Variants in SEC16A observed in about 807,000 individuals in gnomAD.
The protein encoded by SEC16A is protein transport protein Sec16A.
SEC16A carries 110 observed loss-of-function variants against 221.9 expected under a neutral mutation model. The observed-to-expected ratio is 0.50, with a 90% CI of 0.42 to 0.58. The LOEUF (loss-of-function observed/expected upper bound fraction) is 0.58, where lower values mean the gene tolerates loss of function less well. SEC16A is among the 20% of genes least tolerant of loss of function. SEC16A has a pLI of 0.00. For synonymous variants in SEC16A, 1,393 were observed against 1,257.7 expected (o/e 1.11, Z -2.28); for missense variants, 3,165 against 3,097.8 (o/e 1.02, Z -0.52).
chr9:136,450,862 C>T (rs1186930310), intron 23 of SEC16A, among the ~76,000 whole-genome samples: 4 of 152,226 alleles, frequency 2.6e-5, no homozygotes, highest in Admixed American at 2.6e-4. Flanking sequence ...CAAGGAGGCT[C>T]CTGGGGCCTG....
chr9:136,475,372 A>G lies in SEC16A; in HGVS notation c.2244T>C (p.Tyr748=), dbSNP rs1233972730. The change falls in exon 3 of 32, where the codon TAT becomes TAC. Residue 748 remains tyrosine, a synonymous_variant. Transcript: ENST00000684901. This position sits in a 1 kb window ranked among gnomAD's most constrained non-coding sequence, Gnocchi z 5.0. ...CAGGTGGCTGAGGTTTTGCACACAC[A>G]TAAAGCGCCGGGGCTGCAGGGGCCA... ...VLLAPAAPAL[Y]VCAKPQPPVV... is the part of the protein sequence containing the mutation. 1.2e-6 allele frequency: 2 copies of G among 1,609,710 alleles called. No individual in the cohort carries two copies. The highest frequency in any genetic ancestry group is 1.7e-6 in the Non-Finnish European group (2 of 1,177,196).
At chr9:136,479,315 G>A (rs1842027939) in intron 1 of SEC16A, among the ~76,000 whole-genome samples, 1 of 152,012 alleles carries the variant, frequency 6.6e-6, no homozygotes, top group Admixed American at 6.6e-5. Context: ...CCAATCAAAG[G>A]AAAAATTAAA....
Position 136,463,065 on chromosome 9 carries a change from T to C in SEC16A, c.4715A>G (p.Lys1572Arg), listed in dbSNP as rs1839717686. 6.2e-7 allele frequency: 1 copy of C among 1,612,632 alleles called. No individual in the cohort carries two copies. The highest frequency in any genetic ancestry group is 8.5e-7 in the Non-Finnish European group (1 of 1,179,890). The part of the protein sequence containing the change: ...RDHRTVWLPG[K>R]SPNEANLIDF... ...AATCAGGTTTGCTTCATTGGGCGACTTCCCAGGAAGCCACACTGTTCTGTG... is the reference window on the plus strand; with the variant it reads ...AATCAGGTTTGCTTCATTGGGCGACCTCCCAGGAAGCCACACTGTTCTGTG... The change falls in exon 12 of 32, where the codon AAG (lysine) becomes AGG (arginine). Residue 1572 changes from lysine to arginine, a missense_variant. This residue lies in a region of SEC16A where 1,088 missense variants were observed against 1,089.6 expected (regional missense o/e 1.00). Coordinates refer to ENST00000684901, the MANE Select transcript of SEC16A (RefSeq NM_014866.2).
rs757786592 is a variant in SEC16A at position 136,475,330 on chromosome 9, T to C, written c.2286A>G (p.Glu762=). The change falls in exon 3 of 32, where the codon GAA becomes GAG. Residue 762 remains glutamate (E), a synonymous_variant. Transcript: ENST00000684901. The surrounding 1 kb of genome is among the most constrained non-coding windows in gnomAD (Gnocchi z 5.0). ...GTGACTGCTGCCCGGACATCGCCTC[T>C]TCTGGAGGCTGAACAACAGGTGGCT... ...KPQPPVVQPP[E]EAMSGQQSRN... is the part of the protein sequence containing the mutation. 7.4e-6 allele frequency: 12 copies of C among 1,611,558 alleles called. No individual in the cohort carries two copies. In the East Asian group the frequency reaches 2.5e-4, roughly 33 times the overall value.
rs762247769 is a variant in SEC16A at position 136,463,744 on chromosome 9, C to T, written c.4447-4G>A. 8.1e-6 allele frequency: 13 copies of T among 1,611,590 alleles called. No individual in the cohort carries two copies. Among genetic ancestry groups the T allele is most frequent in the South Asian group, 4.4e-5 (4 of 91,008 alleles). ...CAGACGTGTGCTGCAGCAAGGCCTA[C>T]GAGGAGAGGGCCGTGGGTCAGTGGC... On this transcript the variant is annotated splice_region_variant and splice_polypyrimidine_tract_variant and intron_variant, in intron 9 of 31. Transcript: ENST00000684901.
At chr9:136,465,422 G>T (rs1840011042) in intron 8 of SEC16A, among the ~76,000 whole-genome samples, 1 of 152,228 alleles carries the variant, frequency 6.6e-6, no homozygotes, top group African/African-American at 2.4e-5. Context: ...CTGCACTCCA[G>T]CCTGGGAGAC....
chr9:136,474,379 C>T lies in SEC16A; in HGVS notation c.3237G>A (p.Ser1079=), dbSNP rs3812593. 4.8e-5 allele frequency: 78 copies of T among 1,612,558 alleles called. No individual in the cohort carries two copies. The highest frequency in any genetic ancestry group is 4.5e-4 in the East Asian group (20 of 44,898). ...SPPQLPKAMF[S]ELSNPESLPA... ...GCAGACTTTCTGGATTTGACAGCTC[C>T]GAAAACATGGCTTTGGGTAGTTGTG... Residue 1079 remains serine, a synonymous_variant, in exon 3 of 32, where the codon TCG becomes TCA. Transcript: ENST00000684901.
chr9:136,451,367 C>A lies in SEC16A; in HGVS notation c.6201G>T (p.Gly2067=). 6.2e-7 allele frequency: 1 copy of A among 1,612,836 alleles called. No individual in the cohort carries two copies. The change falls in exon 23 of 32, where the codon GGG becomes GGT. Residue 2067 remains glycine, a synonymous_variant. Coordinates refer to ENST00000684901, the MANE Select transcript of SEC16A (RefSeq NM_014866.2). The part of the protein sequence containing the change: ...RTVPDSEAPP[G]WDRADSGPTQ... ...TGGGACCCGAGTCGGCACGATCCCA[C>A]CCTGGGGGGGCCTCCGAGTCTGGCA... is the stretch of plus-strand genomic sequence containing the variant.
chr9:136,449,129 T>C (rs1837440500), intron 23 of SEC16A, among the ~76,000 whole-genome samples: 1 of 152,218 alleles, frequency 6.6e-6, no homozygotes, highest in Non-Finnish European at 1.5e-5. Flanking sequence ...CTTTGAGAAG[T>C]GGAAGGCGGG....
Position 136,474,263 on chromosome 9 carries a change from TGAG to T in SEC16A, c.3350_3352del (p.Pro1117del), listed in dbSNP as rs1264124821. On this transcript the variant is annotated inframe_deletion, in exon 3 of 32. Coordinates refer to ENST00000684901, the MANE Select transcript of SEC16A (RefSeq NM_014866.2). ...GGACACCAGAGACACGCTAGAGGAC[TGAG>T]GAGGCCGAGGGGGCAGCTGCTGACC... The T allele has an allele frequency of 1.9e-6, 3 of 1,607,942 alleles. No homozygotes were observed. Among genetic ancestry groups the T allele is most frequent in the Non-Finnish European group, 2.5e-6 (3 of 1,177,478 alleles).
In SEC16A at chr9:136,460,135, TA is replaced by T. The variant is rs775003556; in HGVS notation, c.4992-13del. The T allele has an allele frequency of 5.7e-6, 9 of 1,592,328 alleles. No individual in the cohort carries two copies. The African/African-American group carries it at 9.4e-5, about 17-fold the overall frequency. ...GGCTGTTAGCAAACCTAGGCAGACATAAACACAGAAAGACCCCATGCTGGCT... is the reference window on the plus strand; with the variant it reads ...GGCTGTTAGCAAACCTAGGCAGACATAACACAGAAAGACCCCATGCTGGCT... On this transcript the variant is annotated splice_polypyrimidine_tract_variant and intron_variant, in intron 13 of 31. Transcript: ENST00000684901.
rs1841379733 is a variant in SEC16A at position 136,474,642 on chromosome 9, CGTAA to C, written c.2970_2973del (p.Tyr991GlufsTer3). 4.3e-6 allele frequency: 7 copies of C among 1,613,296 alleles called. No individual in the cohort carries two copies. Among genetic ancestry groups the C allele is most frequent in the Non-Finnish European group, 5.9e-6 (7 of 1,179,836 alleles). On this transcript the variant is annotated frameshift_variant, in exon 3 of 32. Transcript: ENST00000684901. LOFTEE classifies it high-confidence loss of function. ...CTGCTTAAGGTAAAGTCTAGGGCTCCGTAAGTGTCTTCCTGATGACTGGAATGGT... is the reference window on the plus strand; with the variant it reads ...CTGCTTAAGGTAAAGTCTAGGGCTCCGTGTCTTCCTGATGACTGGAATGGT...
intron 21 of SEC16A, 136 bp downstream of exon 21, chr9:136,453,973 A>T: frequency 1.2e-6 from 1 of 837,106 alleles, no homozygotes; most frequent in Non-Finnish European, 1.9e-6. Context: ...TGTAACTTCC[A>T]GAATTTCTGG....
chr9:136,458,905 T>TA (rs551869655), intron 17 of SEC16A, among the ~76,000 whole-genome samples: 45 of 151,088 alleles, frequency 3.0e-4, no homozygotes, highest in Middle Eastern at 3.4e-3. Context: ...CTGTCTCCCT[T>TA]AAAAAAAAAG....
At chr9:136,451,462 A>G (rs1837800489) in intron 22 of SEC16A, 54 bp from the exon 23 acceptor site, 19 of 1,527,992 alleles carry the variant, frequency 1.2e-5, no homozygotes, top group Non-Finnish European at 1.7e-5. Flanking sequence ...CAGGAACCGA[A>G]AGAGAGAGGG....
At position 136,466,094 on chromosome 9, in the gene SEC16A, C is replaced by G. The variant is rs781277506; in HGVS notation, c.4171G>C (p.Glu1391Gln). The G allele has an allele frequency of 1.2e-6, 2 of 1,608,124 alleles. No individual in the cohort carries two copies. The highest frequency in any genetic ancestry group is 1.7e-6 in the Non-Finnish European group (2 of 1,176,286). ...AAGGAGCCTGGAGGAAGCGGGGCCTCGTAGGAACCGGCAGCCACATTGTGG... is the reference window on the plus strand; with the variant it reads ...AAGGAGCCTGGAGGAAGCGGGGCCTGGTAGGAACCGGCAGCCACATTGTGG... ...RSHNVAAGSY[E>Q]APLPPGSFHG... Residue 1391 changes from glutamate to glutamine, a missense_variant, in exon 8 of 32, where the codon GAG (glutamate) becomes CAG (glutamine). Coordinates refer to ENST00000684901, the MANE Select transcript of SEC16A (RefSeq NM_014866.2). The surrounding 1 kb of genome is among the most constrained non-coding windows in gnomAD (Gnocchi z 5.5).
At position 136,474,309 on chromosome 9, in the gene SEC16A, G is replaced by T; in HGVS notation, c.3307C>A (p.Leu1103Met). 1 of 1,611,204 alleles carries T rather than the reference G, an allele frequency of 6.2e-7. No homozygotes were observed. The highest frequency in any genetic ancestry group is 8.5e-7 in the Non-Finnish European group (1 of 1,179,010). ...AQNSAQSPAS[L>M]VLVDAGQQLP... Reference sequence around the variant, plus strand: ...TGCTGACCCGCGTCGACCAGAACCAGACTTGCTGGTGACTGTGCTGAGTTC... The same window carrying T: ...TGCTGACCCGCGTCGACCAGAACCATACTTGCTGGTGACTGTGCTGAGTTC... The change falls in exon 3 of 32, where the codon CTG becomes ATG. Residue 1103 changes from leucine to methionine, a missense_variant. Physicochemically the swap from Leu to Met is conservative, Grantham distance 15. Coordinates refer to ENST00000684901, the MANE Select transcript of SEC16A (RefSeq NM_014866.2).
In SEC16A at chr9:136,455,779, T is replaced by G; in HGVS notation, c.5679A>C (p.Val1893=). 1 of 1,599,600 alleles carries G rather than the reference T, an allele frequency of 6.3e-7. No homozygotes were observed. Among genetic ancestry groups the G allele is most frequent in the Non-Finnish European group, 8.5e-7 (1 of 1,173,332 alleles). Residue 1893 remains valine (V), a synonymous_variant, in exon 20 of 32, where the codon GTA becomes GTC. Coordinates refer to ENST00000684901, the MANE Select transcript of SEC16A (RefSeq NM_014866.2). ...VERQIKEGAG[V]WHQDGALPQQ... ...GCGGGAGGGCTCCATCCTGATGCCA[T>G]ACTCCAGCCCCCTCCTGAGGGAGAA...
intron 22 of SEC16A, among the ~76,000 whole-genome samples, chr9:136,452,389 G>T: frequency 7.2e-6 from 1 of 138,002 alleles, no homozygotes; most frequent in Non-Finnish European, 1.5e-5. Context: ...GGCAGAGGAT[G>T]CAGTGAGCCA....
Sources: allele counts gnomAD v4.1 joint callset (sites outside exome capture counted in the v4.1 genomes callset), GRCh38; gene constraint gnomAD v4.1.1; regional missense constraint gnomAD v4.1.1; non-coding constraint Gnocchi (gnomAD v3.1); transcripts MANE v1.5; gene names NCBI Gene and HGNC (gene_info 2026-07-23, HGNC 2026-07-21).